Variants in SAMD12 observed in about 807,000 individuals in gnomAD.
The protein encoded by SAMD12 is sterile alpha motif domain-containing protein 12.
In SAMD12, 9 loss-of-function variants were observed where a neutral mutation model predicts 15.0. The observed-to-expected ratio is 0.60, with a 90% CI of 0.36 to 1.05. The LOEUF is 1.05. SAMD12 is among the 50% of genes least tolerant of loss of function. The pLI, the probability that SAMD12 is intolerant of heterozygous loss-of-function variation, is 0.01. For missense variants in SAMD12, 230 were observed against 234.2 expected (o/e 0.98, Z 0.12); for synonymous variants, 86 against 90.1 (o/e 0.96, Z 0.25).
chr8:118,568,602 G>A (rs1197994571), intron 2 of SAMD12, among the ~76,000 whole-genome samples: 1 of 152,152 alleles, frequency 6.6e-6, no homozygotes, highest in African/African-American at 2.4e-5. Flanking sequence ...AATTGAGCCT[G>A]ATTTTGAGAA....
At chr8:118,447,775 G>C (rs1822961732) in intron 2 of SAMD12, among the ~76,000 whole-genome samples, 1 of 149,272 alleles carries the variant, frequency 6.7e-6, no homozygotes, top group South Asian at 2.1e-4. Context: ...GCCCAAGCTG[G>C]AGTGCAGTGG....
At chr8:118,317,342 G>A (rs181279053) in intron 4 of SAMD12, among the ~76,000 whole-genome samples, 8 of 152,268 alleles carry the variant, frequency 5.3e-5, no homozygotes, top group South Asian at 2.1e-4. Context: ...ACCCAAAGAC[G>A]TGTCCAGTTA....
chr8:118,281,565 T>C (rs1162879119), intron 4 of SAMD12, among the ~76,000 whole-genome samples: 1 of 152,224 alleles, frequency 6.6e-6, no homozygotes, highest in Admixed American at 6.5e-5. Flanking sequence ...AAAGTGACAA[T>C]CCCTAGACCA....
chr8:118,187,286 T>C (rs1489429345), downstream of SAMD12, among the ~76,000 whole-genome samples: 7 of 152,188 alleles, frequency 4.6e-5, no homozygotes, highest in Non-Finnish European at 8.8e-5. Context: ...ATTTGCACAA[T>C]GTCTGTGAAA....
intron 2 of SAMD12, among the ~76,000 whole-genome samples, chr8:118,578,623 T>C (rs1226064185): frequency 6.6e-6 from 1 of 152,170 alleles, no homozygotes; most frequent in Non-Finnish European, 1.5e-5. Context: ...GTAAATGTGT[T>C]TGTACCTGCA....
chr8:118,269,332 A>G (rs1018226892), intron 4 of SAMD12, among the ~76,000 whole-genome samples: 2 of 151,832 alleles, frequency 1.3e-5, no homozygotes, highest in African/African-American at 4.8e-5. Context: ...TTAGAAATCA[A>G]TATCATAGAA....
At chr8:118,256,014 C>T (rs1441830897) in intron 4 of SAMD12, among the ~76,000 whole-genome samples, 1 of 152,162 alleles carries the variant, frequency 6.6e-6, no homozygotes. Flanking sequence ...TCTCCAGCAC[C>T]TGTTGTTTCC....
At chr8:118,297,640 A>G (rs1443252613) in intron 4 of SAMD12, among the ~76,000 whole-genome samples, 1 of 152,224 alleles carries the variant, frequency 6.6e-6, no homozygotes, top group African/African-American at 2.4e-5. Flanking sequence ...AGAGGCTGTC[A>G]CAGGAACGGC....
At chr8:118,465,733 C>A (rs576522168) in intron 2 of SAMD12, among the ~76,000 whole-genome samples, 1 of 151,984 alleles carries the variant, frequency 6.6e-6, no homozygotes, top group Non-Finnish European at 1.5e-5. Context: ...CAAGATATGA[C>A]GGGCAAATTC....
rs532190324 is a variant in SAMD12 at position 118,213,414 on chromosome 8, A to G, written c.434-15682T>C. ...CATGGACAGGCCCACATGGAGGGCA[A>G]CTGAGGTTATTCCAAATATCAGCAG... On this transcript the variant is annotated intron_variant, in intron 4 of 4. Transcript: ENST00000409003. Among the ~76,000 whole-genome samples, 6 of 152,350 alleles carry G rather than the reference A, an allele frequency of 3.9e-5. No homozygotes were observed. The South Asian group carries it at 1.2e-3, about 32-fold the overall frequency.
intron 4 of SAMD12, among the ~76,000 whole-genome samples, chr8:118,216,620 T>C (rs941318644): frequency 2.6e-5 from 4 of 152,196 alleles, no homozygotes; most frequent in Admixed American, 1.3e-4. Flanking sequence ...CTACAGATAA[T>C]ATCAATTACT....
chr8:118,522,040 T>C (rs1209254850), intron 2 of SAMD12, among the ~76,000 whole-genome samples: 1 of 152,094 alleles, frequency 6.6e-6, no homozygotes, highest in Admixed American at 6.6e-5. Context: ...TAACACAATT[T>C]GTCCACCATT....
chr8:118,142,982 G>A, the SAMD12 span, among the ~76,000 whole-genome samples: 3 of 152,182 alleles, frequency 2.0e-5, no homozygotes, highest in South Asian at 2.1e-4. Context: ...TGTTTATTAC[G>A]AAACACATCA....
chr8:118,507,991 CTTT>C (rs11384671), intron 2 of SAMD12, among the ~76,000 whole-genome samples: 2,450 of 108,824 alleles, frequency 0.023, 56 homozygotes, highest in African/African-American at 0.073. Context: ...GTATAATCTC[CTTT>C]TTTTTTTTTT....
chr8:118,441,108 G>A (rs1170968348), intron 2 of SAMD12, among the ~76,000 whole-genome samples: 3 of 151,986 alleles, frequency 2.0e-5, no homozygotes, highest in African/African-American at 7.2e-5. Flanking sequence ...GCTGACATGT[G>A]TGTTGTTGTT....
intron 2 of SAMD12, among the ~76,000 whole-genome samples, chr8:118,574,554 A>T (rs939030393): frequency 6.6e-6 from 1 of 152,194 alleles, no homozygotes; most frequent in African/African-American, 2.4e-5. Context: ...TTTTTTCTTG[A>T]TTATACAATG....
At chr8:118,304,995 A>G (rs888235406) in intron 4 of SAMD12, among the ~76,000 whole-genome samples, 7 of 149,900 alleles carry the variant, frequency 4.7e-5, no homozygotes, top group Non-Finnish European at 1.0e-4. Context: ...TCAAAAATAC[A>G]AAAATTAGAC....
intron 1 of SAMD12, among the ~76,000 whole-genome samples, chr8:118,604,061 C>T (rs1255392574): frequency 6.6e-6 from 1 of 152,154 alleles, no homozygotes; most frequent in Non-Finnish European, 1.5e-5. Flanking sequence ...GTACTTCATA[C>T]ATTTAGCCAC....
intron 4 of SAMD12, among the ~76,000 whole-genome samples, chr8:118,334,961 T>A (rs1816987618): frequency 1.3e-5 from 2 of 152,064 alleles, no homozygotes; most frequent in Admixed American, 1.3e-4. Context: ...TATTCTAACA[T>A]TTTCTCAGCG....
Sources: allele counts gnomAD v4.1 joint callset (sites outside exome capture counted in the v4.1 genomes callset), GRCh38; gene constraint gnomAD v4.1.1; transcripts MANE v1.5; gene names NCBI Gene and HGNC (gene_info 2026-07-23, HGNC 2026-07-21).